The following PPFIA1 variants were observed in gnomAD, a reference collection of about 807,000 sequenced individuals.
PPFIA1 encodes liprin-alpha-1.
PPFIA1 carries 25 observed loss-of-function variants against 149.9 expected under a neutral mutation model. The ratio of observed to expected loss-of-function variants is 0.17; its 90% confidence interval spans 0.12 to 0.23. The LOEUF is 0.23. Among genes scored for constraint, PPFIA1 ranks in the 10% least tolerant of loss-of-function variants. The pLI is 1.00. For synonymous variants in PPFIA1, 549 were observed against 552.8 expected, an observed-to-expected ratio of 0.99 and a Z score of 0.10; for missense variants, 1,362 against 1,506.5, an observed-to-expected ratio of 0.90 and a Z score of 1.59.
chr11:70,382,895 G>C, intron 27 of PPFIA1, 108 bp from the exon 28 acceptor site: 1 of 335,008 alleles, frequency 3.0e-6, no homozygotes, highest in South Asian at 2.3e-5. Context: ...GTCCTGGAGG[G>C]GAGGGGTCAG....
In PPFIA1 at chr11:70,333,568, C is replaced by G; in HGVS notation, c.1296+15C>G. The G allele has an allele frequency of 5.0e-6, 8 of 1,603,034 alleles. No homozygotes were observed. The highest frequency in any genetic ancestry group is 6.8e-6 in the Non-Finnish European group (8 of 1,173,800). On this transcript the variant is annotated intron_variant, in intron 10 of 27. Transcript: ENST00000253925. ...AACTGCAGCGGGTGAGCATGCAGCC[C>G]TGAGGGTGGGGGCGCTGAGTGGGTG... is the stretch of plus-strand genomic sequence containing the variant.
chr11:70,281,930 T>G (rs1263197747), intron 2 of PPFIA1, among the ~76,000 whole-genome samples: 2 of 152,186 alleles, frequency 1.3e-5, no homozygotes, highest in African/African-American at 4.8e-5. Flanking sequence ...GCGGGCGTGC[T>G]CTCTCTGTCT....
At chr11:70,332,131 G>T in intron 9 of PPFIA1, 37 bp downstream of exon 9, 1 of 1,550,466 alleles carries the variant, frequency 6.4e-7, no homozygotes. Context: ...CGGCTGCCAG[G>T]CCTGTGACTG....
chr11:70,347,145 TTTATA>T (rs2055752998), intron 15 of PPFIA1, among the ~76,000 whole-genome samples: 1 of 152,236 alleles, frequency 6.6e-6, no homozygotes, highest in South Asian at 2.1e-4. Flanking sequence ...GCATCTGTTC[TTTATA>T]TTAGAGTTCC....
At chr11:70,318,053 T>C (rs1461019826) in intron 2 of PPFIA1, among the ~76,000 whole-genome samples, 1 of 152,128 alleles carries the variant, frequency 6.6e-6, no homozygotes, top group African/African-American at 2.4e-5. Context: ...CTCTTCCACT[T>C]CATTGCGCTT....
At chr11:70,285,989 A>G (rs1246971437) in intron 2 of PPFIA1, among the ~76,000 whole-genome samples, 1 of 152,192 alleles carries the variant, frequency 6.6e-6, no homozygotes, top group Non-Finnish European at 1.5e-5. Context: ...TGGATGATGT[A>G]ATGTGGGAGC....
chr11:70,290,962 T>A (rs1050641994), intron 2 of PPFIA1, among the ~76,000 whole-genome samples: 1 of 152,218 alleles, frequency 6.6e-6, no homozygotes, highest in South Asian at 2.1e-4. Flanking sequence ...CTTGGCTTAC[T>A]GCAACCTCTG....
At chr11:70,349,456 A>G (rs566833506) in intron 16 of PPFIA1, among the ~76,000 whole-genome samples, 8 of 152,076 alleles carry the variant, frequency 5.3e-5, no homozygotes, top group Non-Finnish European at 1.2e-4. Flanking sequence ...CATAGTGAGA[A>G]CCCCATCTTT....
At chr11:70,292,223 AC>A (rs1188701543) in intron 2 of PPFIA1, among the ~76,000 whole-genome samples, 3 of 151,584 alleles carry the variant, frequency 2.0e-5, no homozygotes, top group African/African-American at 7.3e-5. Context: ...GGCTCAAGTG[AC>A]CCCCCTGCCT....
At chr11:70,276,413 T>TAAA (rs2050384458) in intron 2 of PPFIA1, among the ~76,000 whole-genome samples, 1 of 152,200 alleles carries the variant, frequency 6.6e-6, no homozygotes, top group Non-Finnish European at 1.5e-5. Context: ...CTCCTTTTAC[T>TAAA]GGATTATATT....
intron 7 of PPFIA1, chr11:70,329,934 CAAAAT>C (rs2054555507): frequency 4.7e-6 from 2 of 423,748 alleles, no homozygotes; most frequent in East Asian, 9.1e-5. Context: ...ACTCAAAAAA[CAAAAT>C]AAAATATTTT....
At chr11:70,294,980 C>T (rs955528413) in intron 2 of PPFIA1, among the ~76,000 whole-genome samples, 3 of 152,118 alleles carry the variant, frequency 2.0e-5, no homozygotes, top group African/African-American at 7.2e-5. Flanking sequence ...GGCAACCATC[C>T]GATTTCTCAA....
chr11:70,322,923 C>G (rs1284082791), intron 2 of PPFIA1, among the ~76,000 whole-genome samples: 4 of 150,614 alleles, frequency 2.7e-5, no homozygotes, highest in Admixed American at 6.6e-5. Flanking sequence ...TCCACTCTCT[C>G]TGACCACACT....
chr11:70,313,954 G>A (rs57172967), intron 2 of PPFIA1, among the ~76,000 whole-genome samples: 33,297 of 152,088 alleles, frequency 0.22, 5,561 homozygotes, highest in African/African-American at 0.46. Context: ...GGAAGTCAAG[G>A]TTTCAGTGAG....
At chr11:70,381,883 GCT>G (rs1021910156) in intron 26 of PPFIA1, among the ~76,000 whole-genome samples, 1 of 152,024 alleles carries the variant, frequency 6.6e-6, no homozygotes, top group African/African-American at 2.4e-5. Context: ...GTCTCCCGGG[GCT>G]CTTTGGGAGC....
In PPFIA1 at chr11:70,280,375, C is replaced by T. The variant is rs371920373; in HGVS notation, c.264+7939C>T. On this transcript the variant is annotated intron_variant, in intron 2 of 27. Transcript: ENST00000253925. Reference sequence around the variant, plus strand: ...CTTGAAGTCAGGAGTTCGAGACCAGCCTGGCCAACATGGTGAAACCCTGTC... The same window carrying T: ...CTTGAAGTCAGGAGTTCGAGACCAGTCTGGCCAACATGGTGAAACCCTGTC... Among the ~76,000 whole-genome samples the T allele has an allele frequency of 3.9e-5, 6 of 152,056 alleles. No homozygotes were observed. The East Asian group carries it at 7.8e-4, about 20-fold the overall frequency.
chr11:70,288,138 A>G (rs890072650), intron 2 of PPFIA1, among the ~76,000 whole-genome samples: 2 of 149,936 alleles, frequency 1.3e-5, no homozygotes, highest in Admixed American at 6.7e-5. Flanking sequence ...GCAGTGGCAC[A>G]ATCTGGCTCA....
At chr11:70,306,379 C>T (rs2052852788) in intron 2 of PPFIA1, among the ~76,000 whole-genome samples, 1 of 152,142 alleles carries the variant, frequency 6.6e-6, no homozygotes, top group Non-Finnish European at 1.5e-5. Context: ...AGGTTCATTT[C>T]TAAGTGGATA....
intron 2 of PPFIA1, among the ~76,000 whole-genome samples, chr11:70,281,445 G>T (rs955932040): frequency 2.6e-5 from 4 of 152,154 alleles, no homozygotes; most frequent in Non-Finnish European, 2.9e-5. Context: ...TTCTTGGCGT[G>T]TCCTGGAGCC....
Sources: allele counts gnomAD v4.1 joint callset (sites outside exome capture counted in the v4.1 genomes callset), GRCh38; gene constraint gnomAD v4.1.1; transcripts MANE v1.5; gene names NCBI Gene and HGNC (gene_info 2026-07-23, HGNC 2026-07-21).